Variants in TRHDE observed in about 807,000 individuals in gnomAD.
TRHDE encodes the protein thyrotropin-releasing hormone-degrading ectoenzyme.
TRHDE carries 72 observed loss-of-function variants against 125.7 expected under a neutral mutation model. The observed-to-expected ratio is 0.57, with a 90% CI of 0.47 to 0.70. The LOEUF is 0.70. Among genes scored for constraint, TRHDE ranks in the 30% least tolerant of loss-of-function variants. The pLI is 0.00. For synonymous variants in TRHDE, 509 were observed against 509.1 expected (o/e 1.00, Z 0.00); for missense variants, 1,110 against 1,327.1 (o/e 0.84, Z 2.54).
At chr12:72,399,556 A>G (rs981883971) in intron 3 of TRHDE, among the ~76,000 whole-genome samples, 1 of 152,256 alleles carries the variant, frequency 6.6e-6, no homozygotes, top group Admixed American at 6.5e-5. Flanking sequence ...TTCAAATTCT[A>G]TTTCTCACCA....
chr12:72,262,135 G>A (rs974760799), intron 2 of TRHDE, among the ~76,000 whole-genome samples: 28 of 152,156 alleles, frequency 1.8e-4, no homozygotes, highest in African/African-American at 6.8e-4. Context: ...CTGAGGTCAA[G>A]ACTACAATTC....
chr12:72,106,599 A>T (rs1448175329), intron 2 of TRHDE, among the ~76,000 whole-genome samples: 2 of 152,142 alleles, frequency 1.3e-5, no homozygotes, highest in Non-Finnish European at 2.9e-5. Flanking sequence ...TGTAATATTG[A>T]TCCCTCAGAG....
At chr12:72,226,560 G>A (rs1464351130) in intron 2 of TRHDE, among the ~76,000 whole-genome samples, 1 of 152,168 alleles carries the variant, frequency 6.6e-6, no homozygotes, top group East Asian at 1.9e-4. Context: ...AGAAATTCAA[G>A]TCATGATCTT....
intron 3 of TRHDE, among the ~76,000 whole-genome samples, chr12:72,395,353 C>T (rs1565726022): frequency 6.6e-6 from 1 of 152,056 alleles, no homozygotes. Context: ...CTTCATTGCC[C>T]CCCATTCAGT....
intron 2 of TRHDE, among the ~76,000 whole-genome samples, chr12:72,300,016 A>G (rs1393778678): frequency 8.5e-5 from 13 of 152,128 alleles, no homozygotes; most frequent in Non-Finnish European, 1.9e-4. Context: ...AGAAAGGATG[A>G]CCACTGGGTT....
At chr12:72,436,579 T>C (rs1242368322) in intron 3 of TRHDE, among the ~76,000 whole-genome samples, 1 of 151,912 alleles carries the variant, frequency 6.6e-6, no homozygotes, top group Admixed American at 6.6e-5. Context: ...AGGGTTCTTA[T>C]AAGGTCAGGC....
chr12:72,506,841 A>C (rs1878375970), intron 6 of TRHDE, among the ~76,000 whole-genome samples: 1 of 152,120 alleles, frequency 6.6e-6, no homozygotes, highest in Non-Finnish European at 1.5e-5. Flanking sequence ...TGTTGCCACC[A>C]GATAAGGTTT....
chr12:72,441,302 A>G (rs1874999411), intron 3 of TRHDE, among the ~76,000 whole-genome samples: 1 of 151,832 alleles, frequency 6.6e-6, no homozygotes, highest in African/African-American at 2.4e-5. Flanking sequence ...AGTCATTTGC[A>G]TGGAAAAAAT....
intron 10 of TRHDE, among the ~76,000 whole-genome samples, chr12:72,573,332 G>C (rs1870834684): frequency 6.6e-6 from 1 of 151,746 alleles, no homozygotes; most frequent in African/African-American, 2.4e-5. Context: ...AATTTTTGCA[G>C]CAATTGTTTG....
At chr12:72,530,359 C>G (rs559701536) in intron 6 of TRHDE, among the ~76,000 whole-genome samples, 2 of 144,150 alleles carry the variant, frequency 1.4e-5, no homozygotes, top group East Asian at 4.4e-4. Flanking sequence ...TTCTTAAGCA[C>G]ACTTTGTAAT....
intron 2 of TRHDE, among the ~76,000 whole-genome samples, chr12:72,168,265 C>T (rs551577575): frequency 1.3e-5 from 2 of 152,100 alleles, no homozygotes; most frequent in African/African-American, 4.8e-5. Flanking sequence ...AACTAAAAAC[C>T]ACATTTTCAG....
intron 3 of TRHDE, among the ~76,000 whole-genome samples, chr12:72,400,759 TTGTC>T (rs1293033736): frequency 6.6e-6 from 1 of 152,138 alleles, no homozygotes; most frequent in East Asian, 1.9e-4. Flanking sequence ...AAGAAAAAGT[TTGTC>T]TTAATTAGAG....
At chr12:72,649,715 A>G (rs1243033426) in intron 15 of TRHDE, among the ~76,000 whole-genome samples, 1 of 152,124 alleles carries the variant, frequency 6.6e-6, no homozygotes, top group East Asian at 1.9e-4. Flanking sequence ...ATCCAATTAC[A>G]AAAAGGGGTA....
intron 15 of TRHDE, among the ~76,000 whole-genome samples, chr12:72,645,585 A>C (rs1475871879): frequency 5.3e-5 from 8 of 152,154 alleles, no homozygotes; most frequent in Admixed American, 5.2e-4. Context: ...AACTTCACAA[A>C]TCTAGAGAAC....
rs34424314 is a variant in TRHDE at position 72,206,086 on chromosome 12, A to ATT, written n.279+100351_279+100352dup. On this transcript the variant is annotated intron_variant and non_coding_transcript_variant, in intron 2 of 4. Coordinates refer to the TRHDE transcript ENST00000548156. ...GATATCTTATTATGCCAAAGGACAGATTTTTTTTTTTTTTTTTTGAGATGG... is the reference window on the plus strand; with the variant it reads ...GATATCTTATTATGCCAAAGGACAGATTTTTTTTTTTTTTTTTTTTGAGATGG... Among the ~76,000 whole-genome samples the ATT allele has an allele frequency of 9.6e-4, 130 of 135,554 alleles. 1 individual carries two copies. The highest frequency in any genetic ancestry group is 3.9e-3 in the Middle Eastern group (1 of 256). 88.9% of individuals were successfully genotyped at this position (135,554 alleles called of 152,430 possible). A position where few individuals can be genotyped will look rare whatever the true frequency, so the allele number is the denominator to read the frequency against.
chr12:72,166,339 A>T (rs1340484334), intron 2 of TRHDE, among the ~76,000 whole-genome samples: 1 of 151,770 alleles, frequency 6.6e-6, no homozygotes, highest in Non-Finnish European at 1.5e-5. Context: ...ACATATACAC[A>T]TATATACACA....
intron 2 of TRHDE, among the ~76,000 whole-genome samples, chr12:72,372,895 A>G (rs1030403450): frequency 2.6e-5 from 4 of 152,140 alleles, no homozygotes; most frequent in African/African-American, 9.7e-5. Flanking sequence ...TTCCCTATGA[A>G]CTTTAAAGTA....
intron 3 of TRHDE, among the ~76,000 whole-genome samples, chr12:72,404,260 A>G (rs1873172696): frequency 6.6e-6 from 1 of 152,084 alleles, no homozygotes. Flanking sequence ...CTAAAAACAC[A>G]GAGAAAATTA....
At chr12:72,119,520 G>A (rs192509399) in intron 2 of TRHDE, among the ~76,000 whole-genome samples, 26 of 152,130 alleles carry the variant, frequency 1.7e-4, no homozygotes, top group South Asian at 2.1e-4. Flanking sequence ...GCAACTGTTG[G>A]ATGATATGTT....
Sources: gnomAD v4.1 joint callset for allele counts (sites outside exome capture counted in the v4.1 genomes callset) on GRCh38, gnomAD v4.1.1 for gene constraint, MANE v1.5 for transcripts, NCBI Gene and HGNC (gene_info 2026-07-23, HGNC 2026-07-21) for gene names.